The following DNAH14 variants were observed in gnomAD, a reference collection of about 807,000 sequenced individuals.
The protein encoded by DNAH14 is dynein axonemal heavy chain 14.
DNAH14 carries 478 observed loss-of-function variants against 520.9 expected under a neutral mutation model. That is an observed-to-expected ratio of 0.92 (90% confidence interval 0.85 to 0.99). DNAH14 has a LOEUF of 0.99. DNAH14 is among the 50% of genes least tolerant of loss of function. DNAH14 has a pLI of 0.00. For synonymous variants in DNAH14, 1,581 were observed against 1,757.2 expected (o/e 0.90, Z 2.51); for missense variants, 4,831 against 5,234.5 (o/e 0.92, Z 2.38).
intron 19 of DNAH14, among the ~76,000 whole-genome samples, chr1:225,081,424 C>G (rs886971545): frequency 1.3e-5 from 2 of 152,148 alleles, no homozygotes; most frequent in Non-Finnish European, 2.9e-5. Context: ...GGGGGCAAAT[C>G]ATAGTCTCAA....
At chr1:225,379,158 G>A (rs541339671) in intron 79 of DNAH14, among the ~76,000 whole-genome samples, 5 of 152,304 alleles carry the variant, frequency 3.3e-5, no homozygotes, top group East Asian at 3.9e-4. Flanking sequence ...GAAGCCCTTC[G>A]TGTCAACACA....
intron 8 of DNAH14, among the ~76,000 whole-genome samples, chr1:224,991,986 G>T (rs2489333): frequency 0.092 from 13,980 of 152,150 alleles, 2,073 homozygotes; most frequent in African/African-American, 0.31. Context: ...ACTATTTATT[G>T]AAGAGACTAT....
At chr1:224,957,531 C>A (rs2060591082) in intron 3 of DNAH14, among the ~76,000 whole-genome samples, 1 of 151,976 alleles carries the variant, frequency 6.6e-6, no homozygotes, top group Non-Finnish European at 1.5e-5. Flanking sequence ...GGAACAGTAG[C>A]AATTACGAGC....
chr1:225,296,697 T>A (rs1170334077), intron 55 of DNAH14, among the ~76,000 whole-genome samples: 1 of 152,070 alleles, frequency 6.6e-6, no homozygotes, highest in Non-Finnish European at 1.5e-5. Context: ...TTCCCTCAGG[T>A]TTTGCTTGTC....
At chr1:224,930,296 AG>A (rs1408163163) in intron 1 of DNAH14, among the ~76,000 whole-genome samples, 14 of 152,202 alleles carry the variant, frequency 9.2e-5, no homozygotes, top group African/African-American at 3.1e-4. Flanking sequence ...TTTTCTAAGA[AG>A]TTGATGAATT....
intron 55 of DNAH14, among the ~76,000 whole-genome samples, chr1:225,297,570 T>G (rs533781455): frequency 6.6e-6 from 1 of 152,302 alleles, no homozygotes; most frequent in African/African-American, 2.4e-5. Flanking sequence ...ATTGGGTGCA[T>G]GGCCTTGATT....
At chr1:225,169,930 A>G (rs1369539956) in intron 36 of DNAH14, among the ~76,000 whole-genome samples, 3 of 152,172 alleles carry the variant, frequency 2.0e-5, no homozygotes, top group Non-Finnish European at 4.4e-5. Context: ...CTTGGCAGAA[A>G]CTCTACAAGC....
chr1:224,975,709 C>T (rs76030798), intron 8 of DNAH14, among the ~76,000 whole-genome samples: 20,129 of 147,528 alleles, frequency 0.14, 2,675 homozygotes, highest in African/African-American at 0.34. Context: ...TGAAGGGTTT[C>T]TTGTGTCTCT....
chr1:225,380,467 C>G (rs2150745739), intron 80 of DNAH14, 145 bp downstream of exon 80: 4 of 973,776 alleles, frequency 4.1e-6, no homozygotes, highest in East Asian at 2.8e-5. Flanking sequence ...TCTGCCTCCT[C>G]TCTCCAAGTT....
intron 8 of DNAH14, among the ~76,000 whole-genome samples, chr1:224,995,996 ATAT>A (rs746305164): frequency 9.2e-5 from 14 of 151,898 alleles, no homozygotes; most frequent in Admixed American, 2.6e-4. Flanking sequence ...CTTTAAGAGG[ATAT>A]TGCTGAATTA....
intron 28 of DNAH14, among the ~76,000 whole-genome samples, chr1:225,142,538 T>C (rs74147131): frequency 0.043 from 6,596 of 152,240 alleles, 420 homozygotes; most frequent in African/African-American, 0.14. Flanking sequence ...TGAAAATCAA[T>C]GTAGCAAACA....
At chr1:225,014,595 G>A (rs940893404) in intron 10 of DNAH14, among the ~76,000 whole-genome samples, 4 of 152,066 alleles carry the variant, frequency 2.6e-5, no homozygotes, top group Non-Finnish European at 5.9e-5. Context: ...TAATTTTCAT[G>A]TATTTGTATA....
chr1:225,132,624 A>T (rs972828195), intron 27 of DNAH14, among the ~76,000 whole-genome samples: 1 of 152,056 alleles, frequency 6.6e-6, no homozygotes, highest in Non-Finnish European at 1.5e-5. Context: ...ATTATTGATG[A>T]GCATTTTTGT....
intron 10 of DNAH14, among the ~76,000 whole-genome samples, chr1:225,010,349 T>A (rs1457442002): frequency 1.3e-5 from 2 of 152,232 alleles, no homozygotes; most frequent in African/African-American, 2.4e-5. Flanking sequence ...TCTATTGAGA[T>A]AATCATGTGG....
At chr1:224,966,495 A>T (rs762566568) in intron 5 of DNAH14, among the ~76,000 whole-genome samples, 15 of 152,188 alleles carry the variant, frequency 9.9e-5, no homozygotes, top group Non-Finnish European at 1.8e-4. Flanking sequence ...TAAAGCTAAA[A>T]GAAATAAATT....
chr1:225,073,571 A>G (rs1379976952), intron 17 of DNAH14, among the ~76,000 whole-genome samples: 3 of 152,154 alleles, frequency 2.0e-5, no homozygotes, highest in African/African-American at 7.2e-5. Context: ...TGGAATGACT[A>G]AGTCACCCAA....
chr1:225,240,877 G>A (rs1206476619), intron 43 of DNAH14, 55 bp downstream of exon 43: 5 of 1,226,468 alleles, frequency 4.1e-6, no homozygotes, highest in Admixed American at 4.8e-5. Context: ...TTAATTTAAA[G>A]CAATGCTTGG....
intron 27 of DNAH14, 97 bp from the exon 28 acceptor site, chr1:225,140,671 C>A: frequency 9.7e-7 from 1 of 1,027,708 alleles, no homozygotes; most frequent in Non-Finnish European, 1.4e-6. Context: ...ACCACATAAA[C>A]TTTATGAAAA....
chr1:225,154,101 A>G (rs866463863), intron 34 of DNAH14, among the ~76,000 whole-genome samples: 12 of 152,242 alleles, frequency 7.9e-5, no homozygotes, highest in South Asian at 2.1e-4. Flanking sequence ...TAGAAGAATA[A>G]TAACTCAATG....
Sources: allele counts gnomAD v4.1 joint callset (sites outside exome capture counted in the v4.1 genomes callset), GRCh38; gene constraint gnomAD v4.1.1; transcripts MANE v1.5; gene names NCBI Gene and HGNC (gene_info 2026-07-23, HGNC 2026-07-21).